The following MACF1 variants were observed in gnomAD, a reference collection of about 807,000 sequenced individuals.
MACF1 encodes the protein microtubule actin crosslinking factor 1.
MACF1 carries 193 observed loss-of-function variants against 854.8 expected under a neutral mutation model. That is an observed-to-expected ratio of 0.23 (90% confidence interval 0.20 to 0.25). The LOEUF (loss-of-function observed/expected upper bound fraction) is 0.25, where lower values mean the gene tolerates loss of function less well. MACF1 is among the 10% of genes least tolerant of loss of function. The probability of loss-of-function intolerance (pLI) is 1.00; values close to 1 mark genes in which losing one functional copy is unlikely to be tolerated. For synonymous variants in MACF1, 3,185 were observed against 3,226.7 expected (o/e 0.99, Z 0.44); for missense variants, 7,722 against 8,929.1 (o/e 0.86, Z 5.45).
At chr1:39,272,609 T>C (rs1645346800) in intron 6 of MACF1, among the ~76,000 whole-genome samples, 1 of 152,228 alleles carries the variant, frequency 6.6e-6, no homozygotes, top group South Asian at 2.1e-4. Context: ...CTCTGTTGAT[T>C]AGTCCAGGGC....
intron 2 of MACF1, among the ~76,000 whole-genome samples, chr1:39,109,345 C>T (rs1017051476): frequency 6.6e-6 from 1 of 152,252 alleles, no homozygotes; most frequent in East Asian, 1.9e-4. Context: ...TCTCACCTCA[C>T]TGCAACCTCT....
intron 1 of MACF1, among the ~76,000 whole-genome samples, chr1:39,217,601 G>A (rs375903641): frequency 2.6e-5 from 4 of 152,254 alleles, no homozygotes; most frequent in East Asian, 3.9e-4. Context: ...TAAATCAGCC[G>A]GGTGTGGTGG....
At position 39,304,590 on chromosome 1, in the gene MACF1, G is replaced by T. The variant is rs1571304044; in HGVS notation, c.2789+1512G>T. 1.4e-5 allele frequency: 10 copies of T among 723,720 alleles called. No individual in the cohort carries two copies. The South Asian group carries it at 1.6e-4, about 12-fold the overall frequency. 44.8% of individuals were successfully genotyped at this position (723,720 alleles called of 1,614,324 possible). A position where few individuals can be genotyped will look rare whatever the true frequency, so the allele number is the denominator to read the frequency against. On this transcript the variant is annotated intron_variant, in intron 23 of 100. Transcript: ENST00000564288. ...CTTTTTTTTTTTTTCTTGAGACAGA[G>T]CCTTGCTCTGTCGCTCAGGCTGGAG... is the stretch of plus-strand genomic sequence containing the variant.
chr1:39,350,404 C>A (rs1224342565), intron 42 of MACF1, among the ~76,000 whole-genome samples: 1 of 152,174 alleles, frequency 6.6e-6, no homozygotes. Context: ...CTGTATCACA[C>A]TGGACCCCGC....
chr1:39,180,564 C>T (rs543624889), intron 2 of MACF1, among the ~76,000 whole-genome samples: 8 of 152,242 alleles, frequency 5.3e-5, no homozygotes, highest in Admixed American at 3.3e-4. Context: ...TTCAGTGAGC[C>T]GAGATTGCGC....
At chr1:39,448,502 T>G in intron 83 of MACF1, 92 bp from the exon 84 acceptor site, 1 of 1,060,450 alleles carries the variant, frequency 9.4e-7, no homozygotes, top group Non-Finnish European at 1.3e-6. Context: ...ATACTTTATT[T>G]GGTTTCTAGC....
Position 39,326,575 on chromosome 1 carries a change from G to A in MACF1, c.4479-643G>A, listed in dbSNP as rs192866077. Among the ~76,000 whole-genome samples the A allele has an allele frequency of 5.2e-3, 786 of 151,774 alleles. 6 individuals are homozygous for A. The highest frequency in any genetic ancestry group is 0.018 in the African/African-American group (726 of 41,332). ...GGGCACGTGTAATCCCAGCTACTCG[G>A]GAGGCTGAGGCAGGAGAATCACTTG... is the stretch of plus-strand genomic sequence containing the variant. On this transcript the variant is annotated intron_variant, in intron 35 of 100. Transcript: ENST00000564288.
chr1:39,146,615 G>A (rs1643470858), intron 2 of MACF1, among the ~76,000 whole-genome samples: 1 of 152,000 alleles, frequency 6.6e-6, no homozygotes, highest in African/African-American at 2.4e-5. Flanking sequence ...AACATTGCAT[G>A]TTCTTACTTA....
intron 2 of MACF1, among the ~76,000 whole-genome samples, chr1:39,237,884 G>A (rs367720862): frequency 2.6e-5 from 4 of 151,888 alleles, no homozygotes; most frequent in Admixed American, 1.3e-4. Context: ...TAATGAAAAC[G>A]TTAAACATAA....
intron 14 of MACF1, among the ~76,000 whole-genome samples, chr1:39,286,828 C>T (rs911204282): frequency 6.6e-6 from 1 of 152,150 alleles, no homozygotes; most frequent in African/African-American, 2.4e-5. Context: ...TAGCTTCCCT[C>T]CAGTTAACAC....
intron 14 of MACF1, among the ~76,000 whole-genome samples, chr1:39,286,397 C>G (rs1481370990): frequency 6.6e-6 from 1 of 151,484 alleles, no homozygotes; most frequent in Non-Finnish European, 1.5e-5. Flanking sequence ...CCATCACATT[C>G]TTTTTATAGG....
intron 49 of MACF1, among the ~76,000 whole-genome samples, chr1:39,361,901 A>T (rs958796253): frequency 6.6e-6 from 1 of 152,240 alleles, no homozygotes; most frequent in African/African-American, 2.4e-5. Context: ...AACCCAAATC[A>T]GCAGGGCCAC....
chr1:39,444,761 T>C lies in MACF1; in HGVS notation c.19531T>C (p.Ser6511Pro). The C allele has an allele frequency of 6.2e-7, 1 of 1,614,146 alleles. No homozygotes were observed. The highest frequency in any genetic ancestry group is 8.5e-7 in the Non-Finnish European group (1 of 1,179,978). The change falls in exon 80 of 101, where the codon TCC (serine) becomes CCC (proline). Residue 6511 changes from serine to proline, a missense_variant. Around this residue, in one of 15 missense-constraint regions of MACF1, gnomAD observed 729 missense variants for 900.5 expected, o/e 0.81. Transcript: ENST00000564288. The stretch of plus-strand genomic sequence containing the variant: ...AAGCCGTGACGACTCTGGGTCTGGC[T>C]CCAAGACAGAACAGAGTGTAGCACT... ...LLSRDDSGSG[S>P]KTEQSVALLE...
At chr1:39,231,913 G>A (rs1337340453) in intron 2 of MACF1, among the ~76,000 whole-genome samples, 2 of 151,566 alleles carry the variant, frequency 1.3e-5, no homozygotes, top group Non-Finnish European at 1.5e-5. Flanking sequence ...TTCTCTTAAA[G>A]TGCATGAATC....
chr1:39,462,368 G>A (rs1429847894), intron 93 of MACF1, among the ~76,000 whole-genome samples: 1 of 152,100 alleles, frequency 6.6e-6, no homozygotes, highest in Non-Finnish European at 1.5e-5. Context: ...TCTTGAGCAT[G>A]CTGCCTGGAA....
chr1:39,273,879 C>T (rs999787371), intron 6 of MACF1, among the ~76,000 whole-genome samples: 1 of 152,244 alleles, frequency 6.6e-6, no homozygotes, highest in South Asian at 2.1e-4. Context: ...CGTGAGCCAC[C>T]GCGCCCAGCC....
chr1:39,103,218 C>A, intron 2 of MACF1: 1 of 350,466 alleles, frequency 2.9e-6, no homozygotes, highest in Non-Finnish European at 5.6e-6. Flanking sequence ...GCGGACTCTT[C>A]CCCTTTTTGC....
chr1:39,305,277 A>AGT (rs58977749), intron 23 of MACF1, among the ~76,000 whole-genome samples: 23,054 of 149,212 alleles, frequency 0.15, 2,252 homozygotes, highest in Non-Finnish European at 0.22. Flanking sequence ...AAAAAAAAAA[A>AGT]GTGTGTGTGT....
intron 2 of MACF1, among the ~76,000 whole-genome samples, chr1:39,191,557 T>G (rs957535273): frequency 4.6e-5 from 7 of 152,206 alleles, no homozygotes; most frequent in African/African-American, 1.7e-4. Context: ...CACCTAAGGA[T>G]GGATGGACAG....
Sources: gnomAD v4.1 joint callset for allele counts (sites outside exome capture counted in the v4.1 genomes callset) on GRCh38, gnomAD v4.1.1 for gene constraint, gnomAD v4.1.1 regional missense constraint, MANE v1.5 for transcripts, NCBI Gene and HGNC (gene_info 2026-07-23, HGNC 2026-07-21) for gene names.